NAV3: variants seen among roughly 807,000 people sequenced by gnomAD.
NAV3 encodes the protein neuron navigator 3.
In NAV3, 87 loss-of-function variants were observed where a neutral mutation model predicts 244.7. The observed-to-expected ratio is 0.36, with a 90% CI of 0.30 to 0.42. The LOEUF (loss-of-function observed/expected upper bound fraction) is 0.42. NAV3 is among the 20% of genes least tolerant of loss of function. The pLI is 1.00. For synonymous variants in NAV3, 1,126 were observed against 1,042.2 expected (o/e 1.08, Z -1.55); for missense variants, 2,663 against 2,893.3 (o/e 0.92, Z 1.83).
chr12:77,633,537 C>T (rs1872012260), intron 2 of NAV3, among the ~76,000 whole-genome samples: 1 of 151,846 alleles, frequency 6.6e-6, no homozygotes, highest in African/African-American at 2.4e-5. Context: ...GACACTTGTG[C>T]CAGAAATACG....
chr12:77,687,711 C>G (rs1406936524), intron 2 of NAV3, among the ~76,000 whole-genome samples: 4 of 152,044 alleles, frequency 2.6e-5, no homozygotes, highest in African/African-American at 9.7e-5. Flanking sequence ...ACTAAGTTCA[C>G]AAGTAATATA....
chr12:78,143,915 GTGGCTAGT>G (rs1286300216), intron 20 of NAV3, among the ~76,000 whole-genome samples: 2 of 152,060 alleles, frequency 1.3e-5, no homozygotes, highest in African/African-American at 4.8e-5. Flanking sequence ...CTAAATTTGG[GTGGCTAGT>G]TTTCATTGTG....
chr12:77,683,621 A>G (rs982221286), intron 2 of NAV3, among the ~76,000 whole-genome samples: 3 of 152,168 alleles, frequency 2.0e-5, no homozygotes, highest in African/African-American at 2.4e-5. Context: ...TAATATGGGC[A>G]TTTTAACAAT....
intron 23 of NAV3, among the ~76,000 whole-genome samples, chr12:78,159,709 CAA>C (rs1269595258): frequency 6.6e-6 from 1 of 151,896 alleles, no homozygotes; most frequent in African/African-American, 2.4e-5. Context: ...TAAATTAAAA[CAA>C]TGATAATACC....
chr12:77,971,610 G>C (rs1412946242), intron 5 of NAV3, among the ~76,000 whole-genome samples: 1 of 152,026 alleles, frequency 6.6e-6, no homozygotes, highest in Non-Finnish European at 1.5e-5. Flanking sequence ...GTATCTATGG[G>C]TTAGAACCAA....
chr12:78,119,758 C>G lies in NAV3; in HGVS notation c.3562C>G (p.Arg1188Gly), dbSNP rs1263381855. ...AGAACCAACTAAAATTGGGTCAGGGCGCTCGAGTCCTGTCACCGTCAACCA... is the reference window on the plus strand; with the variant it reads ...AGAACCAACTAAAATTGGGTCAGGGGGCTCGAGTCCTGTCACCGTCAACCA... Reference protein sequence around the residue: ...LREPTKIGSGRSSPVTVNQTD... With the variant: ...LREPTKIGSGGSSPVTVNQTD... The change falls in exon 15 of 40, where the codon CGC becomes GGC. Residue 1188 changes from arginine to glycine, a missense_variant. This residue lies in a region of NAV3 where 1,521 missense variants were observed against 1,497.0 expected (regional missense o/e 1.02). Transcript: ENST00000397909. The G allele has an allele frequency of 3.7e-6, 6 of 1,613,950 alleles. No individual in the cohort carries two copies. Among genetic ancestry groups the G allele is most frequent in the Non-Finnish European group, 5.1e-6 (6 of 1,179,986 alleles).
At chr12:77,824,708 T>TATG (rs1320067931) in intron 2 of NAV3, among the ~76,000 whole-genome samples, 2 of 151,756 alleles carry the variant, frequency 1.3e-5, no homozygotes, top group Admixed American at 6.6e-5. Flanking sequence ...GCCTGGCCAA[T>TATG]ATGGTAAAAC....
In NAV3 at chr12:77,968,579, A is replaced by C. The variant is rs568739363; in HGVS notation, c.548A>C (p.Lys183Thr). The C allele has an allele frequency of 8.1e-6, 13 of 1,614,030 alleles. No homozygotes were observed. The highest frequency in any genetic ancestry group is 1.1e-5 in the Non-Finnish European group (13 of 1,180,006). ...LGLFFSLSRYKQQQHHQQQYY... is the reference protein window; with the variant it reads ...LGLFFSLSRYTQQQHHQQQYY... ...CTGTTTTTCAGTTTATCTCGCTACA[A>C]GCAGCAACAACACCATCAACAACAG... is the stretch of plus-strand genomic sequence containing the variant. Residue 183 changes from lysine to threonine, a missense_variant, in exon 5 of 40, where the codon AAG becomes ACG. Coordinates refer to ENST00000397909, the MANE Select transcript of NAV3 (RefSeq NM_001024383.2).
chr12:77,706,801 G>C (rs1417287242), intron 2 of NAV3, among the ~76,000 whole-genome samples: 4 of 148,470 alleles, frequency 2.7e-5, no homozygotes, highest in Admixed American at 6.6e-5. Context: ...AGCCCGGGAG[G>C]CGGAGCTTGC....
In NAV3 at chr12:78,181,134, T is replaced by C; in HGVS notation, c.5692+89T>C. ...GGAATTTGGAGAACTTTACGTACTC[T>C]TAAAAATGTTACACTCTAATTCTCA... is the stretch of plus-strand genomic sequence containing the variant. On this transcript the variant is annotated intron_variant, in intron 30 of 39. Coordinates refer to ENST00000397909, the MANE Select transcript of NAV3 (RefSeq NM_001024383.2). 7 of 1,160,438 alleles carry C rather than the reference T, an allele frequency of 6.0e-6. No homozygotes were observed. In the South Asian group the frequency reaches 8.8e-5, roughly 15 times the overall value. The allele number at this position is 1,160,438 out of a possible 1,614,324, so 71.9% of individuals were successfully genotyped here. A position where few individuals can be genotyped will look rare whatever the true frequency, so the allele number is the denominator to read the frequency against.
intron 35 of NAV3, 76 bp downstream of exon 35, chr12:78,197,477 ATTT>A: frequency 9.4e-7 from 1 of 1,060,882 alleles, no homozygotes; most frequent in Non-Finnish European, 1.3e-6. Flanking sequence ...ACCTGTATGC[ATTT>A]TTAAAATTTG....
intron 2 of NAV3, among the ~76,000 whole-genome samples, chr12:77,605,835 G>C (rs151043890): frequency 5.3e-5 from 8 of 149,944 alleles, no homozygotes; most frequent in African/African-American, 2.0e-4. Flanking sequence ...GGGAAACTCC[G>C]TCTCAAGAAA....
Position 77,694,301 on chromosome 12 carries a change from C to CT in NAV3, c.72+122036dup, listed in dbSNP as rs907219671. On this transcript the variant is annotated intron_variant, in intron 2 of 8. Coordinates refer to the NAV3 transcript ENST00000550042. ...CTAACATGGTGAAACCCCATCTCTA[C>CT]TAAAAAAAAAAAATACAAAAAATCA... Among the ~76,000 whole-genome samples the CT allele has an allele frequency of 3.3e-5, 5 of 149,960 alleles. 1 individual carries two copies. Among genetic ancestry groups the CT allele is most frequent in the African/African-American group, 1.2e-4 (5 of 40,480 alleles).
At chr12:77,644,111 G>T (rs1872526857) in intron 2 of NAV3, among the ~76,000 whole-genome samples, 1 of 152,058 alleles carries the variant, frequency 6.6e-6, no homozygotes, top group Non-Finnish European at 1.5e-5. Context: ...AGATCAAGGG[G>T]TTCAATGTAA....
At chr12:77,858,867 C>G (rs995809536) in intron 1 of NAV3, among the ~76,000 whole-genome samples, 3 of 152,102 alleles carry the variant, frequency 2.0e-5, no homozygotes, top group Non-Finnish European at 4.4e-5. Context: ...AAGTATTCAA[C>G]TGGATATGCA....
chr12:77,744,520 A>G (rs2137412418), intron 2 of NAV3, among the ~76,000 whole-genome samples: 1 of 152,042 alleles, frequency 6.6e-6, no homozygotes, highest in African/African-American at 2.4e-5. Context: ...TACCCGATGG[A>G]AAATTGTTGT....
intron 2 of NAV3, among the ~76,000 whole-genome samples, chr12:77,796,574 A>C (rs187497891): frequency 6.6e-6 from 1 of 152,332 alleles, no homozygotes; most frequent in African/African-American, 2.4e-5. Context: ...CCATTTTGAA[A>C]GTTCTACTGT....
intron 12 of NAV3, among the ~76,000 whole-genome samples, chr12:78,087,052 G>C (rs1282003426): frequency 1.3e-5 from 2 of 151,892 alleles, no homozygotes; most frequent in Non-Finnish European, 2.9e-5. Context: ...AATAGTTTTT[G>C]GTGTTTATTT....
At chr12:78,003,087 A>G (rs1459346650) in intron 7 of NAV3, among the ~76,000 whole-genome samples, 1 of 144,132 alleles carries the variant, frequency 6.9e-6, no homozygotes, top group African/African-American at 2.5e-5. Flanking sequence ...CAGCTCTTCT[A>G]GGATCCCTAT....
Sources: allele counts gnomAD v4.1 joint callset (sites outside exome capture counted in the v4.1 genomes callset), GRCh38; gene constraint gnomAD v4.1.1; regional missense constraint gnomAD v4.1.1; transcripts MANE v1.5; gene names NCBI Gene and HGNC (gene_info 2026-07-23, HGNC 2026-07-21).